CCNY: variants seen among roughly 807,000 people sequenced by gnomAD.
CCNY encodes cyclin Y.
CCNY carries 19 observed loss-of-function variants against 42.8 expected under a neutral mutation model. That is an observed-to-expected ratio of 0.44 (90% CI 0.31 to 0.65). The LOEUF (loss-of-function observed/expected upper bound fraction) is 0.65. Ranked by LOEUF, CCNY falls within the 30% of genes least tolerant of loss-of-function variation. CCNY has a pLI of 0.07. For missense variants in CCNY, 370 were observed against 437.3 expected (o/e 0.85, Z 1.37); for synonymous variants, 165 against 162.7 (o/e 1.01, Z -0.11).
intron 3 of CCNY, among the ~76,000 whole-genome samples, chr10:35,296,581 A>G (rs1010311494): frequency 6.6e-6 from 1 of 152,082 alleles, no homozygotes; most frequent in Non-Finnish European, 1.5e-5. Context: ...ACTCTGTCAG[A>G]AAAAAAAGAA....
intron 3 of CCNY, among the ~76,000 whole-genome samples, chr10:35,513,682 T>G (rs888984823): frequency 2.6e-5 from 4 of 152,146 alleles, no homozygotes; most frequent in Non-Finnish European, 5.9e-5. Context: ...GGAGGCCAGG[T>G]AACTTGCCCA....
intron 3 of CCNY, among the ~76,000 whole-genome samples, chr10:35,505,132 G>C (rs1442746415): frequency 1.5e-4 from 23 of 150,278 alleles, no homozygotes; most frequent in Non-Finnish European, 3.1e-4. Flanking sequence ...TAGGTGGTTG[G>C]AGTTAAGAAT....
At chr10:35,326,375 A>G (rs1157061538) in intron 3 of CCNY, among the ~76,000 whole-genome samples, 1 of 152,246 alleles carries the variant, frequency 6.6e-6, no homozygotes, top group Non-Finnish European at 1.5e-5. Context: ...AGGAGAGGCA[A>G]TGAAACGGCA....
intron 3 of CCNY, among the ~76,000 whole-genome samples, chr10:35,262,888 G>GA (rs1329140321): frequency 6.7e-6 from 1 of 149,828 alleles, no homozygotes; most frequent in Non-Finnish European, 1.5e-5. Context: ...AATGAAACAT[G>GA]AAAAAAATTC....
intron 3 of CCNY, among the ~76,000 whole-genome samples, chr10:35,308,899 T>C (rs1835648096): frequency 6.6e-6 from 1 of 151,986 alleles, no homozygotes; most frequent in Non-Finnish European, 1.5e-5. Context: ...GATGGTCAAT[T>C]AGAGAGGGAG....
At chr10:35,510,754 A>T (rs1840310000) in intron 3 of CCNY, among the ~76,000 whole-genome samples, 1 of 152,232 alleles carries the variant, frequency 6.6e-6, no homozygotes, top group Admixed American at 6.5e-5. Context: ...GGGGAGGCTA[A>T]GCCTAAGGTG....
At chr10:35,550,947 A>G (rs2135448678) in intron 7 of CCNY, among the ~76,000 whole-genome samples, 1 of 151,952 alleles carries the variant, frequency 6.6e-6, no homozygotes, top group African/African-American at 2.4e-5. Flanking sequence ...CCCCAGTTTG[A>G]GCTCCAGACC....
At chr10:35,274,339 A>T (rs1835212586) in intron 3 of CCNY, among the ~76,000 whole-genome samples, 1 of 152,132 alleles carries the variant, frequency 6.6e-6, no homozygotes, top group Non-Finnish European at 1.5e-5. Flanking sequence ...AACACATGGG[A>T]ATTATGGGAG....
chr10:35,267,073 A>C lies in CCNY; in HGVS notation c.-9+16447A>C, dbSNP rs1431191974. Among the ~76,000 whole-genome samples, 4 of 135,870 alleles carry C rather than the reference A, an allele frequency of 2.9e-5. No individual in the cohort carries two copies. The Admixed American group carries it at 3.1e-4, about 10-fold the overall frequency. 89.1% of individuals were successfully genotyped at this position (135,870 alleles called of 152,430 possible). On this transcript the variant is annotated intron_variant, in intron 3 of 11. Coordinates refer to the CCNY transcript ENST00000374706. ...CTCCAGCCTGGTGGATAAGAGTGAG[A>C]CTTCTGTCTCAAAAAAAAAAAAAAA...
intron 3 of CCNY, among the ~76,000 whole-genome samples, chr10:35,302,335 G>A (rs1835547469): frequency 1.5e-5 from 2 of 133,126 alleles, no homozygotes; most frequent in South Asian, 4.8e-4. Context: ...TTTTGAGACA[G>A]AGTCTTGCTC....
intron 3 of CCNY, chr10:35,315,236 TATCTTTTCTG>T (rs1367016679): frequency 6.6e-6 from 1 of 152,182 alleles, no homozygotes; most frequent in Admixed American, 6.6e-5. Flanking sequence ...ACCTGGTAGT[TATCTTTTCTG>T]ATCTTCTCCT....
intron 1 of CCNY, among the ~76,000 whole-genome samples, chr10:35,453,042 A>G (rs1422761322): frequency 2.6e-5 from 4 of 152,166 alleles, no homozygotes; most frequent in Non-Finnish European, 5.9e-5. Context: ...TGGCACAATC[A>G]TCGTTCACTG....
At chr10:35,297,008 C>G (rs1190440804) in intron 3 of CCNY, among the ~76,000 whole-genome samples, 3 of 151,836 alleles carry the variant, frequency 2.0e-5, no homozygotes, top group African/African-American at 7.3e-5. Context: ...ACAAAAAAAT[C>G]TTCAGGTCAA....
At chr10:35,543,706 A>T (rs1472001792) in intron 7 of CCNY, among the ~76,000 whole-genome samples, 3 of 142,612 alleles carry the variant, frequency 2.1e-5, no homozygotes, top group Admixed American at 1.4e-4. Context: ...TACTTATTTT[A>T]AAAAAAAAAA....
chr10:35,314,004 A>T (rs559545062), intron 3 of CCNY, among the ~76,000 whole-genome samples: 2 of 151,658 alleles, frequency 1.3e-5, no homozygotes, highest in East Asian at 3.9e-4. Flanking sequence ...AAAAAAAGTA[A>T]AATACTGGTT....
At chr10:35,521,132 T>C (rs572720477) in intron 4 of CCNY, among the ~76,000 whole-genome samples, 2 of 152,320 alleles carry the variant, frequency 1.3e-5, no homozygotes, top group South Asian at 2.1e-4. Flanking sequence ...AAGTCACAAA[T>C]CCATTTTGTT....
chr10:35,338,362 A>G (rs1263122827), intron 1 of CCNY, among the ~76,000 whole-genome samples: 2 of 152,248 alleles, frequency 1.3e-5, no homozygotes, highest in African/African-American at 4.8e-5. Flanking sequence ...AATGAGTGCC[A>G]TGTATAAAGG....
chr10:35,541,064 G>A (rs1203889834), intron 7 of CCNY, among the ~76,000 whole-genome samples: 1 of 151,264 alleles, frequency 6.6e-6, no homozygotes, highest in African/African-American at 2.4e-5. Flanking sequence ...TTTGGTTTCA[G>A]TTTGCTCTTC....
intron 1 of CCNY, among the ~76,000 whole-genome samples, chr10:35,470,440 C>T (rs112496700): frequency 0.031 from 4,777 of 152,240 alleles, 239 homozygotes; most frequent in African/African-American, 0.11. Context: ...AACCCACTTG[C>T]GGAGAGACTG....
Sources: allele counts gnomAD v4.1 joint callset (sites outside exome capture counted in the v4.1 genomes callset), GRCh38; gene constraint gnomAD v4.1.1; transcripts MANE v1.5; gene names NCBI Gene and HGNC (gene_info 2026-07-23, HGNC 2026-07-21).